GLI2: variants seen among roughly 807,000 people sequenced by gnomAD.
The protein encoded by GLI2 is GLI family zinc finger 2, also known as transcription activator GLI2.
Under a neutral mutation model 78.9 loss-of-function variants are expected in GLI2, and 22 were observed. That is an observed-to-expected ratio of 0.28 (90% confidence interval 0.20 to 0.40). The LOEUF is 0.40. GLI2 is among the 10% of genes least tolerant of loss of function. The pLI, the probability that GLI2 is intolerant of heterozygous loss-of-function variation, is 1.00. For missense variants in GLI2, 2,097 were observed against 2,213.2 expected (o/e 0.95, Z 1.05); for synonymous variants, 974 against 963.7 (o/e 1.01, Z -0.20).
chr2:120,975,008 A>G lies in GLI2; in HGVS notation c.1216A>G (p.Arg406Gly). The G allele has an allele frequency of 6.2e-7, 1 of 1,614,208 alleles. No homozygotes were observed. The highest frequency in any genetic ancestry group is 2.2e-5 in the East Asian group (1 of 44,892). Reference sequence around the variant, plus strand: ...GGCTGACCTCAAGGAAGATCTGGACAGGGATGACTGTAAGCAGGAGGCTGA... The same window carrying G: ...GGCTGACCTCAAGGAAGATCTGGACGGGGATGACTGTAAGCAGGAGGCTGA... ...QLADLKEDLD[R>G]DDCKQEAEVV... The change falls in exon 9 of 14, where the codon AGG becomes GGG. Residue 406 changes from arginine (R) to glycine (G), a missense_variant. By Grantham distance (125) the Arg-to-Gly change is moderately radical. Around this residue, in one of 5 missense-constraint regions of GLI2, gnomAD observed 578 missense variants for 612.0 expected, o/e 0.94. Coordinates refer to ENST00000361492, the MANE Select transcript of GLI2 (RefSeq NM_001374353.1).
chr2:120,782,322 C>T (rs1422078787), intron 1 of GLI2, among the ~76,000 whole-genome samples: 1 of 152,184 alleles, frequency 6.6e-6, no homozygotes, highest in Non-Finnish European at 1.5e-5. Context: ...AGCTGGAGTT[C>T]TGCTCTTCAG....
intron 1 of GLI2, among the ~76,000 whole-genome samples, chr2:120,754,053 G>A (rs1216165498): frequency 6.6e-6 from 1 of 151,954 alleles, no homozygotes; most frequent in Non-Finnish European, 1.5e-5. Context: ...TGGATATATT[G>A]CGTAGTGGTA....
At chr2:120,790,180 G>A (rs139676463) in intron 1 of GLI2, among the ~76,000 whole-genome samples, 1 of 152,270 alleles carries the variant, frequency 6.6e-6, no homozygotes, top group Non-Finnish European at 1.5e-5. Context: ...CAGCCTACTG[G>A]GTACCAGGTG....
rs1053390312 is a variant in GLI2, at chr2:120,985,266, G to A, written c.1905+523G>A. ...GGGGAGTGAGGGTGGCTGGGGAGCCGGTCCATGCTGCTGCCTGGCAGAGAC... is the reference window on the plus strand; with the variant it reads ...GGGGAGTGAGGGTGGCTGGGGAGCCAGTCCATGCTGCTGCCTGGCAGAGAC... On this transcript the variant is annotated intron_variant, in intron 12 of 13. Coordinates refer to ENST00000361492, the MANE Select transcript of GLI2 (RefSeq NM_001374353.1). Among the ~76,000 whole-genome samples the A allele has an allele frequency of 2.6e-5, 4 of 152,190 alleles. No homozygotes were observed. In the South Asian group the frequency reaches 6.2e-4, roughly 24 times the overall value.
chr2:120,978,698 C>A, intron 10 of GLI2, 115 bp downstream of exon 10: 1 of 1,143,524 alleles, frequency 8.7e-7, no homozygotes, highest in Non-Finnish European at 1.3e-6. Flanking sequence ...GGGCAGACCA[C>A]AGCAGGGGCT....
At chr2:120,980,538 T>A (rs1162969070) in intron 10 of GLI2, among the ~76,000 whole-genome samples, 1 of 152,248 alleles carries the variant, frequency 6.6e-6, no homozygotes, top group Non-Finnish European at 1.5e-5. Context: ...ACTAGACCCT[T>A]GTCAGATATA....
Position 120,972,052 on chromosome 2 carries a change from G to A in GLI2, c.1171G>A (p.Ala391Thr), listed in dbSNP as rs140041523. 8 of 1,613,106 alleles carry A rather than the reference G, an allele frequency of 5.0e-6. No homozygotes were observed. The African/African-American group carries it at 1.1e-4, about 22-fold the overall frequency. Residue 391 changes from alanine (A) to threonine (T), a missense_variant, in exon 8 of 14, where the codon GCG (alanine) becomes ACG (threonine). By Grantham distance (58) the Ala-to-Thr change is moderately conservative (BLOSUM62 0). Coordinates refer to ENST00000361492, the MANE Select transcript of GLI2 (RefSeq NM_001374353.1). The stretch of plus-strand genomic sequence containing the variant: ...GGGCCTGCGGCCGGCCTCCCCTCTG[G>A]CGCTGACGCAGGTAACCTGCTGCCA... ...PEGLRPASPL[A>T]LTQEQLADLK...
In GLI2 at chr2:120,990,223, G is replaced by T. The variant is rs149163880; in HGVS notation, c.4258G>T (p.Gly1420Cys). The T allele has an allele frequency of 7.4e-6, 12 of 1,613,482 alleles. No individual in the cohort carries two copies. In the African/African-American group the frequency reaches 1.5e-4, roughly 20 times the overall value. The change falls in exon 14 of 14, where the codon GGT (glycine) becomes TGT (cysteine). Residue 1420 changes from glycine (G) to cysteine (C), a missense_variant. Around this residue, in one of 5 missense-constraint regions of GLI2, gnomAD observed 1,290 missense variants for 1,261.7 expected, o/e 1.02. Coordinates refer to ENST00000361492, the MANE Select transcript of GLI2 (RefSeq NM_001374353.1). ...TCCCCAGCCGCCTCCGCAGGACGCAGGTGGGGCCCCGGACCACAGCATGCT... is the reference window on the plus strand; with the variant it reads ...TCCCCAGCCGCCTCCGCAGGACGCATGTGGGGCCCCGGACCACAGCATGCT... The part of the protein sequence containing the change: ...VPPQPPPQDA[G>C]GAPDHSMLYY...
At chr2:120,900,707 A>ATTT (rs1678209696) in intron 2 of GLI2, among the ~76,000 whole-genome samples, 1 of 152,204 alleles carries the variant, frequency 6.6e-6, no homozygotes, top group South Asian at 2.1e-4. Context: ...CCTGGGTAAA[A>ATTT]TAGACAAGGG....
chr2:120,917,675 TGG>T (rs1558880901), intron 2 of GLI2, among the ~76,000 whole-genome samples: 128 of 152,374 alleles, frequency 8.4e-4, no homozygotes, highest in African/African-American at 3.0e-3. Context: ...GGCTGGGACC[TGG>T]TCACATCCCT....
chr2:120,931,697 G>A (rs990544179), intron 3 of GLI2, among the ~76,000 whole-genome samples: 2 of 152,156 alleles, frequency 1.3e-5, no homozygotes, highest in African/African-American at 4.8e-5. Flanking sequence ...GTGAGATGGG[G>A]GTTAAGCTTC....
chr2:120,766,625 C>T (rs557468948), intron 1 of GLI2, among the ~76,000 whole-genome samples: 5 of 152,316 alleles, frequency 3.3e-5, no homozygotes, highest in Admixed American at 3.3e-4. Flanking sequence ...AGCATTAGCT[C>T]TACGCTCAGA....
rs1408271855 is a variant in GLI2, at chr2:120,968,843, C to T, written c.773C>T (p.Ala258Val). Residue 258 changes from alanine (A) to valine (V), a missense_variant, in exon 6 of 14, where the codon GCC (alanine) becomes GTC (valine). By Grantham distance (64) the Ala-to-Val change is moderately conservative. Coordinates refer to ENST00000361492, the MANE Select transcript of GLI2 (RefSeq NM_001374353.1). The stretch of plus-strand genomic sequence containing the variant: ...CGCACCTCACCCAACTCGCTAGTGG[C>T]CTACATCAACAACTCCCGAAGCAGC... ...MIRTSPNSLV[A>V]YINNSRSSSA... 2 of 1,613,808 alleles carry T rather than the reference C, an allele frequency of 1.2e-6. No homozygotes were observed. Among genetic ancestry groups the T allele is most frequent in the African/African-American group, 1.3e-5 (1 of 75,060 alleles).
intron 2 of GLI2, among the ~76,000 whole-genome samples, chr2:120,883,366 A>G (rs960844365): frequency 6.6e-6 from 1 of 152,178 alleles, no homozygotes; most frequent in South Asian, 2.1e-4. Flanking sequence ...ACGTGCCTAC[A>G]GTCCCAGCTA....
rs1021148059 is a variant in GLI2 at position 120,906,348 on chromosome 2, G to A, written c.149-21013G>A. Among the ~76,000 whole-genome samples the A allele has an allele frequency of 1.3e-5, 2 of 152,152 alleles. 1 individual carries two copies. Among genetic ancestry groups the A allele is most frequent in the African/African-American group, 4.8e-5 (2 of 41,444 alleles). On this transcript the variant is annotated intron_variant, in intron 2 of 13. Transcript: ENST00000361492. ...CAGGGGTGCTGGGTGCAGACCATGG[G>A]GTTCACCCTCTCCTGCCCTGGACTC...
intron 2 of GLI2, among the ~76,000 whole-genome samples, chr2:120,872,770 C>T (rs192601636): frequency 2.6e-5 from 4 of 152,300 alleles, no homozygotes; most frequent in East Asian, 1.9e-4. Context: ...GTATTATTGG[C>T]GTTAAATGAG....
intron 2 of GLI2, among the ~76,000 whole-genome samples, chr2:120,811,507 C>G (rs569697943): frequency 1.3e-5 from 2 of 152,254 alleles, no homozygotes; most frequent in East Asian, 3.9e-4. Context: ...GAGAGAGCTA[C>G]TGGGAAGGTG....
intron 2 of GLI2, among the ~76,000 whole-genome samples, chr2:120,803,213 G>A (rs1317664535): frequency 6.6e-6 from 1 of 152,216 alleles, no homozygotes; most frequent in Non-Finnish European, 1.5e-5. Flanking sequence ...AAGCAGCCCA[G>A]GCTCTGGAAC....
At position 120,771,188 on chromosome 2, in the gene GLI2, C is replaced by T. The variant is rs1241364302; in HGVS notation, c.-30-26103C>T. ...CTTCACTGTGCTCTGCATGAGGAGG[C>T]GGGCCGGCACAGAGAGTGGTGGCAG... On this transcript the variant is annotated intron_variant, in intron 1 of 13. Coordinates refer to ENST00000361492, the MANE Select transcript of GLI2 (RefSeq NM_001374353.1). Among the ~76,000 whole-genome samples, 15 of 152,332 alleles carry T rather than the reference C, an allele frequency of 9.8e-5. No homozygotes were observed. In the East Asian group the frequency reaches 1.2e-3, roughly 12 times the overall value.
Sources: gnomAD v4.1 joint callset for allele counts (sites outside exome capture counted in the v4.1 genomes callset) on GRCh38, gnomAD v4.1.1 for gene constraint, gnomAD v4.1.1 regional missense constraint, MANE v1.5 for transcripts, NCBI Gene and HGNC (gene_info 2026-07-23, HGNC 2026-07-21) for gene names.